PDZD2: variants seen among roughly 807,000 people sequenced by gnomAD.
PDZD2 encodes PDZ domain containing 2.
In PDZD2, 90 loss-of-function variants were observed where a neutral mutation model predicts 220.7. The ratio of observed to expected loss-of-function variants is 0.41; its 90% CI spans 0.34 to 0.49. PDZD2 has a LOEUF of 0.49. Among genes scored for constraint, PDZD2 ranks in the 20% least tolerant of loss-of-function variants. The pLI is 0.28. For synonymous variants in PDZD2, 1,375 were observed against 1,450.5 expected (o/e 0.95, Z 1.18); for missense variants, 3,174 against 3,608.5 (o/e 0.88, Z 3.08).
At chr5:31,837,748 A>T (rs1224352778) in intron 2 of PDZD2, among the ~76,000 whole-genome samples, 1 of 151,638 alleles carries the variant, frequency 6.6e-6, no homozygotes, top group African/African-American at 2.4e-5. Flanking sequence ...TTAGCCGGGC[A>T]TGATGGTGTG....
chr5:31,849,558 A>G (rs1048755767), intron 2 of PDZD2, among the ~76,000 whole-genome samples: 2 of 151,978 alleles, frequency 1.3e-5, no homozygotes, highest in South Asian at 4.2e-4. Context: ...AAATACACTT[A>G]CCAGGCTGGG....
intron 1 of PDZD2, among the ~76,000 whole-genome samples, chr5:31,708,122 A>G (rs1747912282): frequency 1.3e-5 from 2 of 152,130 alleles, no homozygotes; most frequent in African/African-American, 4.8e-5. Context: ...GAACCAATCA[A>G]GTCCAGTCTC....
chr5:31,808,444 T>G (rs1185575410), intron 2 of PDZD2, among the ~76,000 whole-genome samples: 1 of 152,196 alleles, frequency 6.6e-6, no homozygotes, highest in Non-Finnish European at 1.5e-5. Flanking sequence ...GGACTGTTTG[T>G]TCGTGACCCG....
intron 1 of PDZD2, among the ~76,000 whole-genome samples, chr5:31,652,074 G>A (rs1349276497): frequency 2.1e-5 from 3 of 145,324 alleles, no homozygotes; most frequent in African/African-American, 2.6e-5. Context: ...CTTGTGATCC[G>A]CTCGCCTTGG....
At chr5:31,745,155 C>T (rs1240024585) in intron 1 of PDZD2, among the ~76,000 whole-genome samples, 1 of 152,146 alleles carries the variant, frequency 6.6e-6, no homozygotes, top group Non-Finnish European at 1.5e-5. Flanking sequence ...TCTCTTGTGT[C>T]TCAGTGCCTT....
chr5:31,832,700 C>T (rs1207376026), intron 2 of PDZD2, among the ~76,000 whole-genome samples: 2 of 152,144 alleles, frequency 1.3e-5, no homozygotes, highest in Admixed American at 1.3e-4. Flanking sequence ...CCTGTAAACC[C>T]AGCTACTCAG....
intron 1 of PDZD2, among the ~76,000 whole-genome samples, chr5:31,734,594 C>G (rs528482379): frequency 6.6e-5 from 10 of 152,326 alleles, no homozygotes; most frequent in African/African-American, 2.4e-4. Flanking sequence ...GCTGGGATTA[C>G]AGGCATGAAC....
At chr5:31,674,042 G>C (rs1047841002) in intron 1 of PDZD2, among the ~76,000 whole-genome samples, 1 of 152,184 alleles carries the variant, frequency 6.6e-6, no homozygotes, top group Non-Finnish European at 1.5e-5. Context: ...ATAACCAGGA[G>C]GAGAGCCCTC....
chr5:31,985,580 C>T (rs957310627), intron 3 of PDZD2, among the ~76,000 whole-genome samples: 1 of 152,102 alleles, frequency 6.6e-6, no homozygotes, highest in Non-Finnish European at 1.5e-5. Context: ...GTAATCCTAG[C>T]TACTCAGGAG....
rs1468430502 is a variant in PDZD2 at position 31,709,490 on chromosome 5, AAAAT to A, written c.-361+70057_-361+70060del. The stretch of plus-strand genomic sequence containing the variant: ...AGACTAAGACCCTGTCTCAGGAAAA[AAAAT>A]AAAATAAAAGGTGAGAGAAAAGGTG... On this transcript the variant is annotated intron_variant, in intron 1 of 24. Coordinates refer to ENST00000438447, the MANE Select transcript of PDZD2 (RefSeq NM_178140.4). 8.2e-5 allele frequency among the ~76,000 whole-genome samples: 10 copies of A among 122,448 alleles called. No homozygotes were observed. The East Asian group carries it at 9.1e-4, about 11-fold the overall frequency. The allele number at this position is 122,448 out of a possible 152,430, so 80.3% of individuals were successfully genotyped here.
At chr5:31,894,235 C>T (rs1468831568) in intron 2 of PDZD2, among the ~76,000 whole-genome samples, 1 of 151,836 alleles carries the variant, frequency 6.6e-6, no homozygotes, top group African/African-American at 2.4e-5. Flanking sequence ...TTTAAGGGTG[C>T]TCTATATTAG....
intron 1 of PDZD2, among the ~76,000 whole-genome samples, chr5:31,796,506 G>A (rs1031692115): frequency 1.3e-5 from 2 of 152,114 alleles, no homozygotes; most frequent in Admixed American, 6.5e-5. Flanking sequence ...TATGACTCCT[G>A]CCACAGGGTA....
chr5:31,819,785 C>T (rs1223125463), intron 2 of PDZD2, among the ~76,000 whole-genome samples: 1 of 151,918 alleles, frequency 6.6e-6, no homozygotes, highest in African/African-American at 2.4e-5. Flanking sequence ...AAATGTGTTA[C>T]TCCTATTGCA....
At chr5:31,697,570 C>T (rs974520115) in intron 1 of PDZD2, among the ~76,000 whole-genome samples, 16 of 152,228 alleles carry the variant, frequency 1.1e-4, no homozygotes, top group Non-Finnish European at 2.4e-4. Context: ...GACATGTCCT[C>T]ATGTTCTCTT....
intron 13 of PDZD2, 147 bp downstream of exon 13, chr5:32,059,503 C>T: frequency 2.0e-6 from 1 of 503,144 alleles, no homozygotes; most frequent in Non-Finnish European, 3.5e-6. Context: ...CAATTAATAG[C>T]ATCTCCAAAA....
At chr5:31,982,508 A>G (rs536373248) in intron 2 of PDZD2, among the ~76,000 whole-genome samples, 5 of 152,236 alleles carry the variant, frequency 3.3e-5, no homozygotes, top group East Asian at 1.9e-4. Context: ...GGGTTTCGCT[A>G]TGTTACCCAA....
At chr5:31,726,099 C>T (rs1749118691) in intron 1 of PDZD2, among the ~76,000 whole-genome samples, 1 of 152,156 alleles carries the variant, frequency 6.6e-6, no homozygotes, top group Admixed American at 6.5e-5. Flanking sequence ...CTTGGGGAAA[C>T]TCACTCCGTC....
At chr5:31,859,695 C>G (rs115470102) in intron 2 of PDZD2, among the ~76,000 whole-genome samples, 15 of 152,202 alleles carry the variant, frequency 9.9e-5, no homozygotes, top group African/African-American at 3.1e-4. Context: ...AGGCTTTCTT[C>G]AAATGTCTGA....
At chr5:31,967,876 A>G (rs66799017) in intron 2 of PDZD2, among the ~76,000 whole-genome samples, 21,023 of 152,210 alleles carry the variant, frequency 0.14, 1,587 homozygotes, top group South Asian at 0.19. Flanking sequence ...TTGGAAGCTT[A>G]TTAGCACATG....
Sources: allele counts gnomAD v4.1 joint callset (sites outside exome capture counted in the v4.1 genomes callset), GRCh38; gene constraint gnomAD v4.1.1; transcripts MANE v1.5; gene names NCBI Gene and HGNC (gene_info 2026-07-23, HGNC 2026-07-21).